POU2F3: variants seen among roughly 807,000 people sequenced by gnomAD.
POU2F3 encodes the protein POU class 2 homeobox 3.
In POU2F3, 23 loss-of-function variants were observed where a neutral mutation model predicts 59.2. The observed-to-expected ratio is 0.39, with a 90% CI of 0.28 to 0.55. The LOEUF is 0.55. POU2F3 is among the 20% of genes least tolerant of loss of function. The pLI is 0.66. For synonymous variants in POU2F3, 190 were observed against 214.6 expected, an observed-to-expected ratio of 0.89 and a Z score of 1.00; for missense variants, 473 against 544.5, an observed-to-expected ratio of 0.87 and a Z score of 1.31.
chr11:120,254,106 A>G (rs1939233487), intron 2 of POU2F3: 1 of 152,214 alleles, frequency 6.6e-6, no homozygotes, highest in South Asian at 2.1e-4. Context: ...TAAATCCTTT[A>G]TGTACCTTGG....
At chr11:120,241,271 T>G (rs1020699546) in intron 1 of POU2F3, among the ~76,000 whole-genome samples, 3 of 152,228 alleles carry the variant, frequency 2.0e-5, no homozygotes, top group African/African-American at 7.2e-5. Context: ...GTGATCTTTC[T>G]TTAGGATTTC....
In POU2F3 at chr11:120,274,114, A is replaced by AGGAAGGAG; in HGVS notation, c.132+4877_132+4878insGGGAAGGA. On this transcript the variant is annotated intron_variant, in intron 3 of 12. Transcript: ENST00000543440. Reference sequence around the variant, plus strand: ...AAGGAAGGAAGGAAGGAAGAAAGGAAGGAAGGAAGGAAGGAAGGAAGGAAG... The same window carrying AGGAAGGAG: ...AAGGAAGGAAGGAAGGAAGAAAGGAAGGAAGGAGGGAAGGAAGGAAGGAAGGAAGGAAG... 4.8e-5 allele frequency among the ~76,000 whole-genome samples: 5 copies of AGGAAGGAG among 104,382 alleles called. No individual in the cohort carries two copies. The East Asian group carries it at 1.4e-3, about 30-fold the overall frequency. The allele number at this position is 104,382 out of a possible 152,430, so 68.5% of individuals were successfully genotyped here. A position where few individuals can be genotyped will look rare whatever the true frequency, so the allele number is the denominator to read the frequency against.
chr11:120,283,424 G>T (rs1041532768), intron 3 of POU2F3, among the ~76,000 whole-genome samples: 1 of 152,196 alleles, frequency 6.6e-6, no homozygotes, highest in Non-Finnish European at 1.5e-5. Flanking sequence ...CCAGTGGGCT[G>T]CCCCGTCCTG....
chr11:120,236,654 G>A (rs183641202), upstream of POU2F3: 7,525 of 1,487,970 alleles, frequency 5.1e-3, 27 homozygotes, highest in Non-Finnish European at 5.9e-3. Context: ...CTCCAGCCCA[G>A]AGCTCAAAAA....
rs1005742864 is a variant in POU2F3 at position 120,269,100 on chromosome 11, C to T, written c.98-110C>T. On this transcript the variant is annotated intron_variant, in intron 2 of 12. Coordinates refer to ENST00000543440, the MANE Select transcript of POU2F3 (RefSeq NM_014352.4). Reference sequence around the variant, plus strand: ...ATCCCAACCACAAGCGAAGCAGGTGCTCTTTTTCAAAATAGAGCCACACGC... The same window carrying T: ...ATCCCAACCACAAGCGAAGCAGGTGTTCTTTTTCAAAATAGAGCCACACGC... 3.9e-6 allele frequency: 3 copies of T among 776,216 alleles called. No individual in the cohort carries two copies. In the African/African-American group the frequency reaches 5.3e-5, roughly 14 times the overall value. The allele number at this position is 776,216 out of a possible 1,614,324, so 48.1% of individuals were successfully genotyped here. A position where few individuals can be genotyped will look rare whatever the true frequency, so the allele number is the denominator to read the frequency against.
chr11:120,302,312 C>A lies in POU2F3; in HGVS notation c.388C>A (p.Pro130Thr), dbSNP rs765265807. Residue 130 changes from proline (P) to threonine (T), a missense_variant, in exon 6 of 13, where the codon CCA (proline) becomes ACA (threonine). By Grantham distance (38) the Pro-to-Thr change is conservative. Transcript: ENST00000543440. Reference sequence around the variant, plus strand: ...TCTGCAGCCAAATCTCCTCCCCTTTCCACAGCAACAAAGCGGTCTCCTCCT... The same window carrying A: ...TCTGCAGCCAAATCTCCTCCCCTTTACACAGCAACAAAGCGGTCTCCTCCT... The part of the protein sequence containing the change: ...QGLQPNLLPF[P>T]QQQSGLLLPQ... 1 of 1,612,882 alleles carries A rather than the reference C, an allele frequency of 6.2e-7. No homozygotes were observed. Among genetic ancestry groups the A allele is most frequent in the South Asian group, 1.1e-5 (1 of 90,988 alleles).
rs770646722 is a variant in POU2F3 at position 120,255,226 on chromosome 11, G to A, written c.97+8709G>A. Among the ~76,000 whole-genome samples, 68 of 152,164 alleles carry A rather than the reference G, an allele frequency of 4.5e-4. 1 individual carries two copies. The highest frequency in any genetic ancestry group is 2.1e-4 in the Non-Finnish European group (14 of 68,030). The stretch of plus-strand genomic sequence containing the variant: ...GGGTGTGCCCAGTCCAGGTTTGTAC[G>A]AGAGGTGTGGGCAGGTAGGCTGGCG... On this transcript the variant is annotated intron_variant, in intron 2 of 12. Transcript: ENST00000543440.
chr11:120,304,557 T>C (rs775728930), intron 6 of POU2F3, among the ~76,000 whole-genome samples: 14 of 152,168 alleles, frequency 9.2e-5, no homozygotes, highest in Non-Finnish European at 1.9e-4. Flanking sequence ...ATGTCCCCTG[T>C]TATCTTCAGT....
chr11:120,319,461 T>C lies in POU2F3; in HGVS notation c.*1069T>C, dbSNP rs1292514630. ...TTCTTTTTCTTTTTTTTTTTTTTTT[T>C]TGAGACAGTCTTGCTCCAGCCCAGG... On this transcript the variant is annotated 3_prime_UTR_variant, in exon 13 of 13. Coordinates refer to ENST00000543440, the MANE Select transcript of POU2F3 (RefSeq NM_014352.4). 3.5e-5 allele frequency: 5 copies of C among 141,756 alleles called. No homozygotes were observed. Among genetic ancestry groups the C allele is most frequent in the Non-Finnish European group, 4.5e-5 (3 of 67,390 alleles). 8.8% of individuals were successfully genotyped at this position (141,756 alleles called of 1,614,324 possible). A position where few individuals can be genotyped will look rare whatever the true frequency, so the allele number is the denominator to read the frequency against.
At chr11:120,302,457 G>A (rs1941375328) in intron 6 of POU2F3, 89 bp downstream of exon 6, 1 of 1,266,382 alleles carries the variant, frequency 7.9e-7, no homozygotes, top group Non-Finnish European at 1.1e-6. Context: ...CCCTTTAACA[G>A]GGCACTAACC....
chr11:120,261,634 T>C (rs1407288014), intron 2 of POU2F3, among the ~76,000 whole-genome samples: 2 of 152,212 alleles, frequency 1.3e-5, no homozygotes, highest in African/African-American at 2.4e-5. Flanking sequence ...ACTTAATCTT[T>C]TATTTGTATA....
At chr11:120,276,515 A>G (rs1276216106) in intron 3 of POU2F3, among the ~76,000 whole-genome samples, 1 of 151,784 alleles carries the variant, frequency 6.6e-6, no homozygotes, top group African/African-American at 2.4e-5. Flanking sequence ...CTGTTCCAGG[A>G]TCCAGCCTCC....
rs1941864252 is a variant in POU2F3 at position 120,319,437 on chromosome 11, T to C, written c.*1045T>C. The C allele has an allele frequency of 6.9e-6, 1 of 145,704 alleles. No individual in the cohort carries two copies. Among genetic ancestry groups the C allele is most frequent in the Non-Finnish European group, 1.5e-5 (1 of 66,540 alleles). 9.0% of individuals were successfully genotyped at this position (145,704 alleles called of 1,614,324 possible). On this transcript the variant is annotated 3_prime_UTR_variant, in exon 13 of 13. Transcript: ENST00000543440. Reference sequence around the variant, plus strand: ...TCCCACATGGGCTGGGATTTTTTTTTCTTTTTCTTTTTTTTTTTTTTTTTT... The same window carrying C: ...TCCCACATGGGCTGGGATTTTTTTTCCTTTTTCTTTTTTTTTTTTTTTTTT...
chr11:120,283,294 G>C (rs1378684220), intron 3 of POU2F3, among the ~76,000 whole-genome samples: 1 of 152,214 alleles, frequency 6.6e-6, no homozygotes, highest in Admixed American at 6.5e-5. Flanking sequence ...AGACTGTGTA[G>C]AGGCTGCACT....
intron 12 of POU2F3, 45 bp downstream of exon 12, chr11:120,317,409 G>A: frequency 6.2e-7 from 1 of 1,608,560 alleles, no homozygotes; most frequent in Non-Finnish European, 8.5e-7. Flanking sequence ...CAGGGCCAAG[G>A]GACATGTGAG....
At chr11:120,315,228 T>G in intron 10 of POU2F3, 133 bp from the exon 11 acceptor site, 1 of 788,398 alleles carries the variant, frequency 1.3e-6, no homozygotes, top group Non-Finnish European at 2.1e-6. Flanking sequence ...GAGGATGGCA[T>G]GTAGGCTAGG....
intron 3 of POU2F3, among the ~76,000 whole-genome samples, chr11:120,289,791 C>G (rs1940957183): frequency 6.6e-6 from 1 of 152,184 alleles, no homozygotes; most frequent in Non-Finnish European, 1.5e-5. Context: ...CATCTCATTC[C>G]CTTTTCTCTA....
intron 8 of POU2F3, among the ~76,000 whole-genome samples, 196 bp from the exon 9 acceptor site, chr11:120,307,283 C>T (rs569915019): frequency 1.8e-3 from 269 of 152,304 alleles, no homozygotes; most frequent in African/African-American, 6.3e-3. Flanking sequence ...TGGAGGGCCA[C>T]GGAGGGCCTT....
intron 4 of POU2F3, among the ~76,000 whole-genome samples, chr11:120,299,306 C>T (rs1433299155): frequency 6.6e-6 from 1 of 152,144 alleles, no homozygotes; most frequent in African/African-American, 2.4e-5. Context: ...TGGGTCATAC[C>T]CAGGCTTTGC....
Sources: allele counts gnomAD v4.1 joint callset (sites outside exome capture counted in the v4.1 genomes callset), GRCh38; gene constraint gnomAD v4.1.1; transcripts MANE v1.5; gene names NCBI Gene and HGNC (gene_info 2026-07-23, HGNC 2026-07-21).